TEX14: variants seen among roughly 807,000 people sequenced by gnomAD.
The protein encoded by TEX14 is testis expressed 14, intercellular bridge forming factor, also known as inactive serine/threonine-protein kinase TEX14.
In TEX14, 168 loss-of-function variants were observed where a neutral mutation model predicts 178.6. That is an observed-to-expected ratio of 0.94 (90% confidence interval 0.83 to 1.07). The LOEUF (loss-of-function observed/expected upper bound fraction) is 1.07. Ranked by LOEUF, TEX14 falls within the 50% of genes least tolerant of loss-of-function variation. The pLI is 0.00. For missense variants in TEX14, 1,730 were observed against 1,753.6 expected, an observed-to-expected ratio of 0.99 and a Z score of 0.24; for synonymous variants, 626 against 634.1, an observed-to-expected ratio of 0.99 and a Z score of 0.19.
intron 1 of TEX14, chr17:58,661,729 T>G: frequency 1.7e-6 from 1 of 574,106 alleles, no homozygotes; most frequent in South Asian, 2.3e-5. Context: ...GCGGTGGCGT[T>G]GGGGGCGGCA....
chr17:58,592,329 G>A (rs1170736594), intron 15 of TEX14, among the ~76,000 whole-genome samples: 6 of 150,508 alleles, frequency 4.0e-5, no homozygotes, highest in African/African-American at 1.2e-4. Flanking sequence ...TCCTGGGTTC[G>A]AGTGATTCTT....
intron 1 of TEX14, among the ~76,000 whole-genome samples, chr17:58,676,543 A>G (rs2047397822): frequency 6.6e-6 from 1 of 152,154 alleles, no homozygotes; most frequent in Non-Finnish European, 1.5e-5. Context: ...CTGAGCAATA[A>G]GAGTGAAACT....
chr17:58,566,754 A>G (rs2044407740), intron 26 of TEX14, among the ~76,000 whole-genome samples: 1 of 149,136 alleles, frequency 6.7e-6, no homozygotes, highest in Non-Finnish European at 1.5e-5. Flanking sequence ...AGCCGAGATG[A>G]TGCCACTGCA....
intron 1 of TEX14, among the ~76,000 whole-genome samples, chr17:58,658,363 C>G (rs2047012899): frequency 6.7e-6 from 1 of 150,066 alleles, no homozygotes; most frequent in Non-Finnish European, 1.5e-5. Flanking sequence ...CCACCTGTAC[C>G]AGTGTGTACC....
intron 17 of TEX14, among the ~76,000 whole-genome samples, chr17:58,586,904 A>G (rs555600895): frequency 1.3e-5 from 2 of 152,160 alleles, no homozygotes; most frequent in African/African-American, 4.8e-5. Flanking sequence ...AGTCTGTGTG[A>G]GTGGGAGTGT....
intron 2 of TEX14, chr17:58,631,697 G>A (rs412000): frequency 7.3e-5 from 11 of 151,190 alleles, no homozygotes; most frequent in East Asian, 3.9e-4. Context: ...ACAGCAGTTA[G>A]AATAACGCAA....
At chr17:58,688,045 A>G (rs1228942822) in intron 1 of TEX14, among the ~76,000 whole-genome samples, 1 of 152,242 alleles carries the variant, frequency 6.6e-6, no homozygotes, top group African/African-American at 2.4e-5. Flanking sequence ...TCATAGGATT[A>G]CTGTGGATCA....
chr17:58,666,520 A>G (rs2047211936), intron 1 of TEX14: 3 of 143,336 alleles, frequency 2.1e-5, no homozygotes, highest in Non-Finnish European at 4.6e-5. Context: ...CAAAACTTGC[A>G]TTTCAACTAC....
intron 15 of TEX14, 50 bp downstream of exon 15, chr17:58,593,505 C>G: frequency 1.5e-6 from 2 of 1,374,236 alleles, no homozygotes; most frequent in Non-Finnish European, 2.1e-6. Flanking sequence ...CAGAGACACA[C>G]AGAAGTCTAA....
chr17:58,669,884 C>T (rs1390740806), intron 1 of TEX14, among the ~76,000 whole-genome samples: 6 of 152,162 alleles, frequency 3.9e-5, no homozygotes, highest in Non-Finnish European at 8.8e-5. Context: ...GCCCAAAGCC[C>T]TTCAATACTC....
At chr17:58,589,557 CA>C (rs71143254) in intron 15 of TEX14, among the ~76,000 whole-genome samples, 14,104 of 56,550 alleles carry the variant, frequency 0.25, 962 homozygotes, top group East Asian at 0.39. Context: ...GACTCCGTCT[CA>C]AAAAAAAAAA....
chr17:58,679,141 C>G (rs942462299), intron 1 of TEX14, among the ~76,000 whole-genome samples: 3 of 151,730 alleles, frequency 2.0e-5, no homozygotes, highest in East Asian at 3.9e-4. Flanking sequence ...GCTACAAGAG[C>G]GAAACGCCGT....
chr17:58,599,274 C>G lies in TEX14; in HGVS notation c.2071G>C (p.Asp691His). The change falls in exon 14 of 32, where the codon GAT becomes CAT. Residue 691 changes from aspartate (D) to histidine (H), a missense_variant. By Grantham distance (81) the Asp-to-His change is moderately conservative. Transcript: ENST00000349033. The stretch of plus-strand genomic sequence containing the variant: ...GAACCGTTTTGCCAGTCCCAGTCAT[C>G]AAAAGAGTACTCTGTCTCAGCTTTT... Reference protein sequence around the residue: ...SSKAETEYSFDDWDWQNGSLS... With the variant: ...SSKAETEYSFHDWDWQNGSLS... 1 of 1,613,484 alleles carries G rather than the reference C, an allele frequency of 6.2e-7. No individual in the cohort carries two copies. Among genetic ancestry groups the G allele is most frequent in the Non-Finnish European group, 8.5e-7 (1 of 1,180,028 alleles).
rs747556300 is a variant in TEX14 at position 58,584,489 on chromosome 17, G to T, written c.3171+11C>A. 6.9e-6 allele frequency: 11 copies of T among 1,599,724 alleles called. No individual in the cohort carries two copies. The highest frequency in any genetic ancestry group is 7.7e-6 in the Non-Finnish European group (9 of 1,166,962). ...TGGGTTCAACTTGGCTTTCCAGGCA[G>T]TATTACTTACACTGTAAGATTTCTC... On this transcript the variant is annotated intron_variant, in intron 19 of 31. Transcript: ENST00000349033.
Position 58,587,892 on chromosome 17 carries a change from T to G in TEX14, c.2702+4A>C, listed in dbSNP as rs2045020169. ...ACCAGTTTCCAGCCCACAAGGATCC[T>G]TACCTGGTAGAGTCCCAGTGACAGC... On this transcript the variant is annotated splice_donor_region_variant and intron_variant, in intron 16 of 31. Coordinates refer to ENST00000349033, the MANE Select transcript of TEX14 (RefSeq NM_031272.5). 11 of 1,224,760 alleles carry G rather than the reference T, an allele frequency of 9.0e-6. No individual in the cohort carries two copies. The highest frequency in any genetic ancestry group is 1.1e-5 in the Non-Finnish European group (10 of 877,296). The allele number at this position is 1,224,760 out of a possible 1,614,324, so 75.9% of individuals were successfully genotyped here.
intron 3 of TEX14, among the ~76,000 whole-genome samples, chr17:58,630,079 T>G (rs1443819222): frequency 1.3e-5 from 2 of 149,902 alleles, no homozygotes; most frequent in Admixed American, 1.3e-4. Flanking sequence ...ATTTTGAGAC[T>G]GAGTCTCGCT....
intron 1 of TEX14, among the ~76,000 whole-genome samples, chr17:58,678,818 TATA>T (rs56142259): frequency 0.02 from 2,808 of 137,298 alleles, 48 homozygotes; most frequent in African/African-American, 0.039. Context: ...GAACTTAAAG[TATA>T]ATAATAATAA....
chr17:58,639,336 A>G (rs1174139055), intron 2 of TEX14, among the ~76,000 whole-genome samples: 6 of 90,958 alleles, frequency 6.6e-5, no homozygotes, highest in Non-Finnish European at 1.4e-4. Context: ...AAAGACTACA[A>G]ATAAGGTGCC....
intron 8 of TEX14, 120 bp from the exon 9 acceptor site, chr17:58,613,664 TTTTC>T: frequency 2.7e-6 from 3 of 1,117,498 alleles, no homozygotes; most frequent in East Asian, 2.6e-5. Context: ...TTTTCTTTTC[TTTTC>T]TTTTTTTTTT....
Sources: allele counts gnomAD v4.1 joint callset (sites outside exome capture counted in the v4.1 genomes callset), GRCh38; gene constraint gnomAD v4.1.1; transcripts MANE v1.5; gene names NCBI Gene and HGNC (gene_info 2026-07-23, HGNC 2026-07-21).